The following ZBTB7C variants were observed in gnomAD, a reference collection of about 807,000 sequenced individuals.
The protein encoded by ZBTB7C is zinc finger and BTB domain-containing protein 7C.
A neutral mutation model predicts 25.7 loss-of-function variants in ZBTB7C; 8 were observed. That is an observed-to-expected ratio of 0.31 (90% CI 0.18 to 0.56). ZBTB7C has a LOEUF of 0.56. Among genes scored for constraint, ZBTB7C ranks in the 20% least tolerant of loss-of-function variants. The pLI, the probability that ZBTB7C is intolerant of heterozygous loss-of-function variation, is 0.91. For synonymous variants in ZBTB7C, 394 were observed against 369.0 expected (o/e 1.07, Z -0.78); for missense variants, 824 against 855.2 (o/e 0.96, Z 0.46).
chr18:48,084,185 G>C (rs901174585), intron 3 of ZBTB7C, among the ~76,000 whole-genome samples: 4 of 152,268 alleles, frequency 2.6e-5, no homozygotes, highest in African/African-American at 7.2e-5. Flanking sequence ...AGAATGAAAG[G>C]TCTCAGGGAA....
chr18:48,402,537 G>T (rs531440938), intron 1 of ZBTB7C, among the ~76,000 whole-genome samples: 1 of 152,156 alleles, frequency 6.6e-6, no homozygotes, highest in South Asian at 2.1e-4. Context: ...TTTTCCTTAC[G>T]CAAAGTACAG....
intron 3 of ZBTB7C, chr18:48,072,319 G>A (rs1023954949): frequency 6.6e-6 from 1 of 152,142 alleles, no homozygotes; most frequent in Non-Finnish European, 1.5e-5. Context: ...ACAAAAGGGA[G>A]TCAAGGGTTA....
intron 2 of ZBTB7C, among the ~76,000 whole-genome samples, chr18:48,259,867 T>C (rs1393815001): frequency 6.6e-6 from 1 of 152,156 alleles, no homozygotes; most frequent in Non-Finnish European, 1.5e-5. Context: ...ATACGAAATG[T>C]CGAGGACAAT....
chr18:48,134,043 C>G (rs916291987), intron 3 of ZBTB7C, among the ~76,000 whole-genome samples: 3 of 150,802 alleles, frequency 2.0e-5, no homozygotes, highest in African/African-American at 4.9e-5. Context: ...TCTGGCAGCA[C>G]GACATCAAGG....
chr18:48,035,927 G>A (rs921160479), intron 4 of ZBTB7C, among the ~76,000 whole-genome samples: 4 of 152,232 alleles, frequency 2.6e-5, no homozygotes, highest in Non-Finnish European at 4.4e-5. Context: ...GACCTGAAAG[G>A]GACAGGAGCT....
At chr18:48,325,377 G>A (rs935458589) in intron 2 of ZBTB7C, among the ~76,000 whole-genome samples, 1 of 152,232 alleles carries the variant, frequency 6.6e-6, no homozygotes, top group South Asian at 2.1e-4. Flanking sequence ...GATCTCTGGT[G>A]GCAGTTGGCC....
intron 3 of ZBTB7C, among the ~76,000 whole-genome samples, chr18:48,073,286 A>C (rs1217790110): frequency 1.3e-5 from 2 of 152,058 alleles, no homozygotes; most frequent in Non-Finnish European, 2.9e-5. Flanking sequence ...CCCCACCCTC[A>C]TTTAGGTCAC....
At chr18:48,387,729 GC>G (rs2047781949) in intron 1 of ZBTB7C, among the ~76,000 whole-genome samples, 1 of 152,220 alleles carries the variant, frequency 6.6e-6, no homozygotes, top group South Asian at 2.1e-4. Context: ...CGGCAAACCA[GC>G]TGACAGCAAA....
At chr18:48,288,916 A>C (rs2045137611) in intron 2 of ZBTB7C, among the ~76,000 whole-genome samples, 1 of 152,204 alleles carries the variant, frequency 6.6e-6, no homozygotes, top group Non-Finnish European at 1.5e-5. Flanking sequence ...TCAGTATAAA[A>C]ACCAATTATA....
At chr18:48,172,074 G>A (rs548613244) in intron 3 of ZBTB7C, among the ~76,000 whole-genome samples, 28 of 152,354 alleles carry the variant, frequency 1.8e-4, no homozygotes, top group African/African-American at 1.9e-4. Context: ...AGAAACAGAC[G>A]TGGCCAGGCC....
intron 2 of ZBTB7C, among the ~76,000 whole-genome samples, chr18:48,239,456 C>T (rs2043467086): frequency 6.6e-6 from 1 of 152,214 alleles, no homozygotes; most frequent in African/African-American, 2.4e-5. Flanking sequence ...AGGACCCTAA[C>T]AAAGTCCACT....
intron 3 of ZBTB7C, among the ~76,000 whole-genome samples, chr18:48,177,529 C>A (rs1198856556): frequency 6.6e-6 from 1 of 152,102 alleles, no homozygotes; most frequent in Non-Finnish European, 1.5e-5. Context: ...GCAAAAGGAA[C>A]TATAATTCCT....
rs543528823 is a variant in ZBTB7C at position 48,290,926 on chromosome 18, T to A, written c.-79+47248A>T. Among the ~76,000 whole-genome samples the A allele has an allele frequency of 2.6e-5, 4 of 152,312 alleles. No individual in the cohort carries two copies. The East Asian group carries it at 7.7e-4, about 29-fold the overall frequency. On this transcript the variant is annotated intron_variant, in intron 2 of 4. Transcript: ENST00000590800. ...CCCAAGCCAATATATGAAGTAGTAA[T>A]CTCTTGCTAGGATTTGTGGAAAGAA...
At chr18:48,128,719 AG>A (rs968663893) in intron 3 of ZBTB7C, among the ~76,000 whole-genome samples, 6 of 151,962 alleles carry the variant, frequency 3.9e-5, no homozygotes, top group Non-Finnish European at 5.9e-5. Flanking sequence ...GAGAGTAGAA[AG>A]GGGGTGAGGG....
chr18:48,195,622 T>A (rs1379649222), intron 2 of ZBTB7C, among the ~76,000 whole-genome samples: 1 of 152,218 alleles, frequency 6.6e-6, no homozygotes, highest in South Asian at 2.1e-4. Flanking sequence ...CTAATACATA[T>A]GGCACTGCCT....
intron 1 of ZBTB7C, among the ~76,000 whole-genome samples, chr18:48,343,805 A>G (rs2046660901): frequency 2.0e-5 from 3 of 151,044 alleles, no homozygotes; most frequent in Admixed American, 2.0e-4. Context: ...CTCTCTCCCA[A>G]CCTCTCTAAA....
At chr18:48,408,479 G>A (rs901721756) in intron 1 of ZBTB7C, 1 of 152,124 alleles carries the variant, frequency 6.6e-6, no homozygotes, top group Non-Finnish European at 1.5e-5. Context: ...GAGGAACTGT[G>A]TGCGTGCGCC....
rs192565013 is a variant in ZBTB7C, at chr18:48,201,377, G to A, written c.-78-15382C>T. On this transcript the variant is annotated intron_variant, in intron 2 of 4. Coordinates refer to ENST00000590800, the MANE Select transcript of ZBTB7C (RefSeq NM_001318841.2). ...ATCCAGGGGACGGTAGGCCCCAGGA[G>A]GGGATTCTTTGTATCTTTATAAACT... 4.6e-5 allele frequency among the ~76,000 whole-genome samples: 7 copies of A among 152,308 alleles called. No homozygotes were observed. In the South Asian group the frequency reaches 6.2e-4, roughly 14 times the overall value.
rs575537117 is a variant in ZBTB7C at position 48,316,468 on chromosome 18, C to T, written c.-79+21706G>A. Among the ~76,000 whole-genome samples the T allele has an allele frequency of 1.9e-4, 29 of 152,342 alleles. 2 individuals are homozygous for T. Among genetic ancestry groups the T allele is most frequent in the Middle Eastern group, 6.8e-3 (2 of 294 alleles). On this transcript the variant is annotated intron_variant, in intron 2 of 4. Transcript: ENST00000590800. The stretch of plus-strand genomic sequence containing the variant: ...GGATGTTTATCCCCTTCAAACCTTA[C>T]GTTGAAATGTGACCCCCAGTGTTGG...
Sources: gnomAD v4.1 joint callset for allele counts (sites outside exome capture counted in the v4.1 genomes callset) on GRCh38, gnomAD v4.1.1 for gene constraint, MANE v1.5 for transcripts, NCBI Gene and HGNC (gene_info 2026-07-23, HGNC 2026-07-21) for gene names.